Variants in OTUD7B observed in about 807,000 individuals in gnomAD.
OTUD7B encodes the protein OTU domain-containing protein 7B.
In OTUD7B, 34 loss-of-function variants were observed where a neutral mutation model predicts 82.2. The ratio of observed to expected loss-of-function variants is 0.41; its 90% CI spans 0.31 to 0.55. The LOEUF (loss-of-function observed/expected upper bound fraction) is 0.55, where lower values mean the gene tolerates loss of function less well. OTUD7B is among the 20% of genes least tolerant of loss of function. The probability of loss-of-function intolerance (pLI) is 0.20; values close to 1 mark genes in which losing one functional copy is unlikely to be tolerated. For synonymous variants in OTUD7B, 398 were observed against 402.7 expected (o/e 0.99, Z 0.14); for missense variants, 944 against 1,062.1 (o/e 0.89, Z 1.55).
At chr1:149,969,965 G>C (rs1649802495) in intron 3 of OTUD7B, among the ~76,000 whole-genome samples, 1 of 152,106 alleles carries the variant, frequency 6.6e-6, no homozygotes, top group Admixed American at 6.5e-5. Context: ...GTCTCCAAAA[G>C]TGCTGGGATT....
At chr1:149,989,085 C>G (rs897583146) in intron 1 of OTUD7B, among the ~76,000 whole-genome samples, 1 of 152,194 alleles carries the variant, frequency 6.6e-6, no homozygotes, top group African/African-American at 2.4e-5. Flanking sequence ...ATACTGTCTA[C>G]TCTTGGTTAT....
At chr1:150,060,413 T>A in the OTUD7B span, among the ~76,000 whole-genome samples, 1 of 152,164 alleles carries the variant, frequency 6.6e-6, no homozygotes, top group Admixed American at 6.5e-5. Context: ...AGAGACCATG[T>A]GAAGACACAG....
At chr1:149,959,615 A>T in intron 7 of OTUD7B, 69 bp downstream of exon 7, 2 of 910,024 alleles carry the variant, frequency 2.2e-6, no homozygotes, top group South Asian at 2.7e-5. Context: ...AGCTCTCTAG[A>T]CACTGGGCTG....
chr1:149,960,841 T>C (rs1553775513), intron 6 of OTUD7B: 1 of 151,192 alleles, frequency 6.6e-6, no homozygotes, highest in African/African-American at 2.4e-5. Context: ...GCACCAACTA[T>C]CACCCAAACA....
At chr1:150,007,635 T>G (rs1404352466) in intron 1 of OTUD7B, among the ~76,000 whole-genome samples, 1 of 152,206 alleles carries the variant, frequency 6.6e-6, no homozygotes, top group Non-Finnish European at 1.5e-5. Context: ...GCATGGAGAC[T>G]GCTTTATCCA....
chr1:150,030,276 AT>A, the OTUD7B span, among the ~76,000 whole-genome samples: 1 of 151,976 alleles, frequency 6.6e-6, no homozygotes, highest in African/African-American at 2.4e-5. Flanking sequence ...ATGGGAAGGA[AT>A]TTCCTTACCC....
At chr1:149,964,871 G>T (rs1649419338) in intron 5 of OTUD7B, among the ~76,000 whole-genome samples, 1 of 150,974 alleles carries the variant, frequency 6.6e-6, no homozygotes. Context: ...TGGGACTACA[G>T]GCGTGAGCCA....
chr1:150,035,752 C>T, the OTUD7B span, among the ~76,000 whole-genome samples: 3 of 152,224 alleles, frequency 2.0e-5, no homozygotes, highest in African/African-American at 7.2e-5. Flanking sequence ...CAGATAAGGA[C>T]ACTGATGCCC....
chr1:149,974,990 C>A (rs1372130215), intron 2 of OTUD7B, among the ~76,000 whole-genome samples: 4 of 152,060 alleles, frequency 2.6e-5, no homozygotes, highest in Non-Finnish European at 5.9e-5. Context: ...TGCCACCACA[C>A]CTGGCTAGAG....
the OTUD7B span, among the ~76,000 whole-genome samples, chr1:150,041,143 A>T: frequency 6.6e-6 from 1 of 151,780 alleles, no homozygotes; most frequent in Admixed American, 6.6e-5. Flanking sequence ...TTCTTCAATA[A>T]TTTTTTTTAA....
intron 2 of OTUD7B, among the ~76,000 whole-genome samples, chr1:149,975,952 C>T (rs1209544040): frequency 6.6e-6 from 1 of 151,156 alleles, no homozygotes; most frequent in African/African-American, 2.4e-5. Flanking sequence ...ATCTGGGAGG[C>T]GGAGGTTGTG....
At chr1:149,949,403 C>T (rs1553772812) in intron 9 of OTUD7B, among the ~76,000 whole-genome samples, 1 of 152,012 alleles carries the variant, frequency 6.6e-6, no homozygotes, top group Non-Finnish European at 1.5e-5. Flanking sequence ...AGCTCTTACA[C>T]CTTAATCATA....
chr1:150,011,232 A>G (rs1252045561), upstream of OTUD7B, among the ~76,000 whole-genome samples: 1 of 152,102 alleles, frequency 6.6e-6, no homozygotes, highest in Non-Finnish European at 1.5e-5. Flanking sequence ...CTTAATATTT[A>G]TTTACTTGCA....
the OTUD7B span, among the ~76,000 whole-genome samples, chr1:150,046,685 G>A: frequency 2.0e-4 from 29 of 147,078 alleles, no homozygotes; most frequent in Non-Finnish European, 3.0e-4. Flanking sequence ...TCCTAACCTC[G>A]TGATCCACCC....
the OTUD7B span, among the ~76,000 whole-genome samples, chr1:150,018,565 A>C: frequency 6.6e-6 from 1 of 152,204 alleles, no homozygotes; most frequent in Non-Finnish European, 1.5e-5. Context: ...AATGGGAATT[A>C]ATGACGATTA....
chr1:149,960,391 TTTTTTC>T (rs1649065423), intron 6 of OTUD7B, among the ~76,000 whole-genome samples: 15 of 2,846 alleles, frequency 5.3e-3, no homozygotes, highest in Non-Finnish European at 0.038. Context: ...TTTCTTTCCT[TTTTTTC>T]TTTTTTTTTT....
intron 6 of OTUD7B, among the ~76,000 whole-genome samples, chr1:149,960,413 T>TTTTTTTTTTTTTTTTTTTTTTTTTTG (rs1366020859): frequency 1.1e-4 from 8 of 72,566 alleles, no homozygotes; most frequent in Non-Finnish European, 1.7e-4. Flanking sequence ...TTTTTTTTTG[T>TTTTTTTTTTTTTTTTTTTTTTTTTTG]AGACAGAGTC....
intron 8 of OTUD7B, 64 bp downstream of exon 8, chr1:149,950,030 C>CTTA (rs1648065279): frequency 7.5e-6 from 12 of 1,596,048 alleles, no homozygotes; most frequent in Non-Finnish European, 1.0e-5. Context: ...CCTTCCAATG[C>CTTA]TTAGCCTAAG....
upstream of OTUD7B, among the ~76,000 whole-genome samples, chr1:150,011,487 T>G (rs1245858625): frequency 6.6e-6 from 1 of 152,186 alleles, no homozygotes; most frequent in Non-Finnish European, 1.5e-5. Flanking sequence ...TACATAAAAC[T>G]ATATTATATG....
Sources: gnomAD v4.1 joint callset for allele counts (sites outside exome capture counted in the v4.1 genomes callset) on GRCh38, gnomAD v4.1.1 for gene constraint, MANE v1.5 for transcripts, NCBI Gene and HGNC (gene_info 2026-07-23, HGNC 2026-07-21) for gene names.